VTI1A: variants seen among roughly 807,000 people sequenced by gnomAD.
VTI1A encodes vesicle transport through interaction with t-SNAREs 1A, also known as vesicle transport through interaction with t-SNAREs homolog 1A.
In VTI1A, 22 loss-of-function variants were observed where a neutral mutation model predicts 34.9. The observed-to-expected ratio is 0.63, with a 90% CI of 0.45 to 0.90. The LOEUF (loss-of-function observed/expected upper bound fraction) is 0.90. VTI1A is among the 40% of genes least tolerant of loss of function. The pLI is 0.00. For missense variants in VTI1A, 268 were observed against 275.6 expected (o/e 0.97, Z 0.20); for synonymous variants, 87 against 97.3 (o/e 0.89, Z 0.62).
At chr10:112,584,626 G>C (rs531738539) in intron 5 of VTI1A, among the ~76,000 whole-genome samples, 3 of 152,286 alleles carry the variant, frequency 2.0e-5, no homozygotes, top group Admixed American at 6.5e-5. Context: ...AATTGTGACC[G>C]ACAACAAACT....
rs1244105757 is a variant in VTI1A at position 112,460,563 on chromosome 10, T to C, written c.134T>C (p.Leu45Pro). ...KQMVANVEKQ[L>P]EEAKELLEQM... Reference sequence around the variant, plus strand: ...ATGGTTGCAAATGTGGAGAAACAGCTTGAAGAAGCGAAAGAACTGGTATGT... The same window carrying C: ...ATGGTTGCAAATGTGGAGAAACAGCCTGAAGAAGCGAAAGAACTGGTATGT... Residue 45 changes from leucine (L) to proline (P), a missense_variant, in exon 2 of 8, where the codon CTT (leucine) becomes CCT (proline). By Grantham distance (98) the Leu-to-Pro change is moderately conservative. Transcript: ENST00000393077. The C allele has an allele frequency of 1.9e-6, 3 of 1,609,340 alleles. No homozygotes were observed. Among genetic ancestry groups the C allele is most frequent in the Admixed American group, 1.7e-5 (1 of 59,434 alleles).
intron 7 of VTI1A, among the ~76,000 whole-genome samples, chr10:112,732,415 C>G (rs1850298994): frequency 6.6e-6 from 1 of 152,166 alleles, no homozygotes; most frequent in African/African-American, 2.4e-5. Flanking sequence ...GGCTGTGCCT[C>G]TCATTATTCC....
At chr10:112,514,490 CTT>C (rs1280961028) in intron 3 of VTI1A, among the ~76,000 whole-genome samples, 1 of 151,388 alleles carries the variant, frequency 6.6e-6, no homozygotes. Flanking sequence ...TTTCTAGTCT[CTT>C]TTTTATTTAT....
At chr10:112,509,953 C>T (rs776095361) in intron 3 of VTI1A, among the ~76,000 whole-genome samples, 18 of 152,164 alleles carry the variant, frequency 1.2e-4, no homozygotes, top group Non-Finnish European at 2.5e-4. Flanking sequence ...CCTAAAGGAC[C>T]TCTCAAGGTC....
At chr10:112,461,878 C>A (rs1355906217) in intron 2 of VTI1A, among the ~76,000 whole-genome samples, 2 of 152,166 alleles carry the variant, frequency 1.3e-5, no homozygotes, top group Admixed American at 6.5e-5. Context: ...CCACACTTGG[C>A]TACTTTGTTT....
At chr10:112,846,908 T>C in the VTI1A span, among the ~76,000 whole-genome samples, 2 of 152,156 alleles carry the variant, frequency 1.3e-5, no homozygotes, top group Non-Finnish European at 2.9e-5. Flanking sequence ...AGACCCAAGA[T>C]ATACTTTGGT....
At chr10:112,583,938 T>TTTTTCTCCCAGAA (rs1293719399) in intron 5 of VTI1A, among the ~76,000 whole-genome samples, 5 of 152,296 alleles carry the variant, frequency 3.3e-5, no homozygotes, top group African/African-American at 1.2e-4. Context: ...CAAAACAGCT[T>TTTTTCTCCCAGAA]TTTTCTCCCA....
At chr10:112,649,620 G>C (rs532695243) in intron 5 of VTI1A, among the ~76,000 whole-genome samples, 1 of 152,256 alleles carries the variant, frequency 6.6e-6, no homozygotes, top group East Asian at 1.9e-4. Context: ...ATATAGTCAT[G>C]CATTCCTTAA....
At chr10:112,629,593 T>C (rs1846057467) in intron 5 of VTI1A, among the ~76,000 whole-genome samples, 2 of 152,224 alleles carry the variant, frequency 1.3e-5, no homozygotes, top group African/African-American at 4.8e-5. Flanking sequence ...TGAAACATGC[T>C]GTGATTTAGG....
intron 7 of VTI1A, among the ~76,000 whole-genome samples, chr10:112,717,219 C>T (rs1248634571): frequency 6.6e-6 from 1 of 152,178 alleles, no homozygotes; most frequent in Non-Finnish European, 1.5e-5. Flanking sequence ...TTTACATGTC[C>T]AGAGGTCATG....
chr10:112,591,049 C>G (rs569214460), intron 5 of VTI1A, among the ~76,000 whole-genome samples: 2 of 151,868 alleles, frequency 1.3e-5, no homozygotes, highest in African/African-American at 4.8e-5. Context: ...TGCAGTGAGC[C>G]GAGATTGCAT....
At chr10:112,665,304 GA>G (rs10719081) in intron 5 of VTI1A, among the ~76,000 whole-genome samples, 42,193 of 140,074 alleles carry the variant, frequency 0.3, 6,997 homozygotes, top group East Asian at 0.69. Flanking sequence ...CACAGTGGGG[GA>G]AAAAAAAAAA....
intron 2 of VTI1A, among the ~76,000 whole-genome samples, chr10:112,461,901 A>G (rs867195029): frequency 6.6e-6 from 1 of 152,152 alleles, no homozygotes; most frequent in Non-Finnish European, 1.5e-5. Flanking sequence ...TTGTTTGTAG[A>G]GAGGGGGTTT....
intron 5 of VTI1A, among the ~76,000 whole-genome samples, chr10:112,656,173 G>C (rs143583140): frequency 5.3e-5 from 8 of 152,158 alleles, no homozygotes; most frequent in Non-Finnish European, 1.2e-4. Flanking sequence ...TGACTGCCTG[G>C]GGTGTTTCGA....
At chr10:112,645,080 G>T (rs1341402878) in intron 5 of VTI1A, among the ~76,000 whole-genome samples, 1 of 152,052 alleles carries the variant, frequency 6.6e-6, no homozygotes, top group Admixed American at 6.5e-5. Flanking sequence ...TTTAACATTC[G>T]TTTTTCAAAG....
Position 112,608,915 on chromosome 10 carries a change from G to A in VTI1A, c.428-59303G>A, listed in dbSNP as rs1316834873. ...TTAGTATCTTAATTAGCATGTGTCTGTTCCTGTAGCTATCATGAGATGTAG... is the reference window on the plus strand; with the variant it reads ...TTAGTATCTTAATTAGCATGTGTCTATTCCTGTAGCTATCATGAGATGTAG... On this transcript the variant is annotated intron_variant, in intron 5 of 7. Transcript: ENST00000393077. Among the ~76,000 whole-genome samples, 5 of 152,220 alleles carry A rather than the reference G, an allele frequency of 3.3e-5. No individual in the cohort carries two copies. In the East Asian group the frequency reaches 9.6e-4, roughly 29 times the overall value.
At position 112,485,990 on chromosome 10, in the gene VTI1A, G is replaced by A. The variant is rs114122371; in HGVS notation, c.264+21333G>A. Among the ~76,000 whole-genome samples the A allele has an allele frequency of 7.1e-3, 1,079 of 152,022 alleles. 14 individuals carry two copies. Among genetic ancestry groups the A allele is most frequent in the African/African-American group, 0.025 (1,039 of 41,468 alleles). On this transcript the variant is annotated intron_variant, in intron 3 of 7. Coordinates refer to ENST00000393077, the MANE Select transcript of VTI1A (RefSeq NM_145206.4). Reference sequence around the variant, plus strand: ...CATTTCCTGCCTCTCGGATCTTTTTGTAGCATCCTTTTATTTATCTATACA... The same window carrying A: ...CATTTCCTGCCTCTCGGATCTTTTTATAGCATCCTTTTATTTATCTATACA...
the VTI1A span, among the ~76,000 whole-genome samples, chr10:112,828,006 A>G: frequency 6.6e-6 from 1 of 152,204 alleles, no homozygotes; most frequent in African/African-American, 2.4e-5. Context: ...GTGAGCCTGG[A>G]TAACCTACTG....
chr10:112,771,330 A>G lies in VTI1A; in HGVS notation c.561-43960A>G, dbSNP rs116575603. ...TGTGCCCAGAAATGAGTCAGTTCTC[A>G]TCACTAGTGTTCCTTCTCTCCATCC... On this transcript the variant is annotated intron_variant, in intron 7 of 7. Transcript: ENST00000393077. Among the ~76,000 whole-genome samples, 807 of 152,350 alleles carry G rather than the reference A, an allele frequency of 5.3e-3. 8 individuals carry two copies. The highest frequency in any genetic ancestry group is 0.018 in the African/African-American group (767 of 41,582).
Sources: gnomAD v4.1 joint callset for allele counts (sites outside exome capture counted in the v4.1 genomes callset) on GRCh38, gnomAD v4.1.1 for gene constraint, MANE v1.5 for transcripts, NCBI Gene and HGNC (gene_info 2026-07-23, HGNC 2026-07-21) for gene names.